Variants in SHB observed in about 807,000 individuals in gnomAD.
The protein encoded by SHB is SH2 domain containing adaptor protein B, also known as SH2 domain-containing adapter protein B.
Under a neutral mutation model 52.3 loss-of-function variants are expected in SHB, and 20 were observed. The observed-to-expected ratio is 0.38, with a 90% confidence interval of 0.27 to 0.56. The LOEUF (loss-of-function observed/expected upper bound fraction) is 0.56, where lower values mean the gene tolerates loss of function less well. Ranked by LOEUF, SHB falls within the 20% of genes least tolerant of loss-of-function variation. SHB has a pLI of 0.71. For synonymous variants in SHB, 397 were observed against 316.5 expected (o/e 1.25, Z -2.70); for missense variants, 825 against 723.3 (o/e 1.14, Z -1.61).
intron 1 of SHB, among the ~76,000 whole-genome samples, chr9:38,018,507 A>G (rs995698022): frequency 1.4e-4 from 5 of 36,604 alleles, no homozygotes; most frequent in African/African-American, 3.2e-4. Flanking sequence ...CCTTCCATTG[A>G]AAAAAAAAAA....
At chr9:38,036,043 G>A (rs932878907) in intron 1 of SHB, among the ~76,000 whole-genome samples, 2 of 152,130 alleles carry the variant, frequency 1.3e-5, no homozygotes, top group Admixed American at 1.3e-4. Context: ...ACTCGCTCAA[G>A]GTCATACAGT....
intron 3 of SHB, among the ~76,000 whole-genome samples, chr9:37,963,706 G>C (rs1283082347): frequency 6.6e-6 from 1 of 152,162 alleles, no homozygotes; most frequent in Non-Finnish European, 1.5e-5. Flanking sequence ...GCGACCCCAG[G>C]AAGGGGCAAG....
At chr9:37,991,288 C>T (rs1044005147) in intron 2 of SHB, among the ~76,000 whole-genome samples, 5 of 152,152 alleles carry the variant, frequency 3.3e-5, no homozygotes, top group South Asian at 4.1e-4. Context: ...TTCCCACCTC[C>T]GCTTCTCTGA....
chr9:37,974,086 C>A (rs1564091937), intron 3 of SHB, among the ~76,000 whole-genome samples: 1 of 152,132 alleles, frequency 6.6e-6, no homozygotes, highest in Non-Finnish European at 1.5e-5. Flanking sequence ...GAAACCCCGT[C>A]TCTACTAAAA....
chr9:38,025,651 TGAG>T (rs1821332277), intron 1 of SHB, among the ~76,000 whole-genome samples: 1 of 152,194 alleles, frequency 6.6e-6, no homozygotes, highest in African/African-American at 2.4e-5. Flanking sequence ...ATCTGTGAAA[TGAG>T]GATGGGGCAA....
chr9:38,038,460 C>G (rs1256977600), intron 1 of SHB, among the ~76,000 whole-genome samples: 2 of 152,210 alleles, frequency 1.3e-5, no homozygotes, highest in Non-Finnish European at 2.9e-5. Flanking sequence ...AAACTGGAGA[C>G]TCTGGGACAG....
chr9:37,988,627 T>A (rs1318358976), intron 2 of SHB, among the ~76,000 whole-genome samples: 1 of 152,220 alleles, frequency 6.6e-6, no homozygotes, highest in Non-Finnish European at 1.5e-5. Flanking sequence ...TGTGCTTTCC[T>A]GCCTGGGATG....
At position 38,018,636 on chromosome 9, in the gene SHB, G is replaced by C. The variant is rs115597637; in HGVS notation, c.718-2505C>G. On this transcript the variant is annotated intron_variant, in intron 1 of 5. Coordinates refer to ENST00000377707, the MANE Select transcript of SHB (RefSeq NM_003028.3). ...GTGGAGGGAAAGAAATTTGAGGTTT[G>C]AGCAACCTGAAACTTTGCAAACACT... is the stretch of plus-strand genomic sequence containing the variant. Among the ~76,000 whole-genome samples, 1,289 of 152,268 alleles carry C rather than the reference G, an allele frequency of 8.5e-3. 16 individuals are homozygous for C. Among genetic ancestry groups the C allele is most frequent in the African/African-American group, 0.029 (1,185 of 41,530 alleles).
At chr9:37,961,501 C>A (rs897248026) in intron 3 of SHB, among the ~76,000 whole-genome samples, 54 of 152,200 alleles carry the variant, frequency 3.5e-4, no homozygotes, top group African/African-American at 9.9e-4. Flanking sequence ...CAAATTCATT[C>A]TGGCGCTCAA....
At chr9:38,038,736 C>T (rs1026733914) in intron 1 of SHB, among the ~76,000 whole-genome samples, 10 of 152,164 alleles carry the variant, frequency 6.6e-5, no homozygotes, top group Admixed American at 2.0e-4. Flanking sequence ...GAGCCAGCCC[C>T]GCTTCCCAGG....
intron 2 of SHB, among the ~76,000 whole-genome samples, chr9:37,982,450 G>A (rs961149415): frequency 4.6e-5 from 7 of 151,960 alleles, no homozygotes; most frequent in African/African-American, 1.7e-4. Context: ...CTGAGATTGC[G>A]CCACTTTACT....
intron 5 of SHB, 151 bp from the exon 6 acceptor site, chr9:37,920,155 G>A: frequency 1.6e-6 from 1 of 636,756 alleles, no homozygotes. Flanking sequence ...CCCAGGACCA[G>A]ATGAAATGCA....
At chr9:37,965,111 C>G (rs947426341) in intron 3 of SHB, among the ~76,000 whole-genome samples, 1 of 152,238 alleles carries the variant, frequency 6.6e-6, no homozygotes, top group Non-Finnish European at 1.5e-5. Context: ...AAATGAGTCT[C>G]CCTGTCCATA....
At chr9:38,064,888 C>T (rs1281839139) in intron 1 of SHB, among the ~76,000 whole-genome samples, 1 of 152,232 alleles carries the variant, frequency 6.6e-6, no homozygotes, top group Non-Finnish European at 1.5e-5. Context: ...AATCCCAGCA[C>T]TTTGGGAGGC....
chr9:37,963,365 G>T (rs895992320), intron 3 of SHB, among the ~76,000 whole-genome samples: 6 of 152,196 alleles, frequency 3.9e-5, no homozygotes, highest in East Asian at 1.9e-4. Context: ...GAAAAACAAG[G>T]CACCGTGTGT....
rs144678980 is a variant in SHB, at chr9:38,033,017, T to C, written c.718-16886A>G. Among the ~76,000 whole-genome samples the C allele has an allele frequency of 5.3e-5, 8 of 152,346 alleles. No individual in the cohort carries two copies. The East Asian group carries it at 1.4e-3, about 26-fold the overall frequency. ...TTCAAACATGACTGTAAAGAAAACCTGATTTTTCTCATCAGAACCAGCAAG... is the reference window on the plus strand; with the variant it reads ...TTCAAACATGACTGTAAAGAAAACCCGATTTTTCTCATCAGAACCAGCAAG... On this transcript the variant is annotated intron_variant, in intron 1 of 5. Coordinates refer to ENST00000377707, the MANE Select transcript of SHB (RefSeq NM_003028.3).
intron 2 of SHB, among the ~76,000 whole-genome samples, chr9:38,002,965 G>C (rs774916765): frequency 6.6e-6 from 1 of 152,174 alleles, no homozygotes; most frequent in East Asian, 1.9e-4. Context: ...CTTTTTATTA[G>C]TACGGAGCCT....
At chr9:37,958,668 C>T (rs374195230) in intron 3 of SHB, among the ~76,000 whole-genome samples, 1 of 152,208 alleles carries the variant, frequency 6.6e-6, no homozygotes, top group Non-Finnish European at 1.5e-5. Flanking sequence ...AGTGAGAAGG[C>T]CCTTTCCCAT....
chr9:38,020,465 T>G (rs561778549), intron 1 of SHB, among the ~76,000 whole-genome samples: 2 of 152,372 alleles, frequency 1.3e-5, no homozygotes, highest in African/African-American at 4.8e-5. Context: ...ATTGTACTTT[T>G]CCCAGGTATT....
Sources: gnomAD v4.1 joint callset for allele counts (sites outside exome capture counted in the v4.1 genomes callset) on GRCh38, gnomAD v4.1.1 for gene constraint, MANE v1.5 for transcripts, NCBI Gene and HGNC (gene_info 2026-07-23, HGNC 2026-07-21) for gene names.